Variants in SLC6A6 observed in about 807,000 individuals in gnomAD.
The protein encoded by SLC6A6 is solute carrier family 6 member 6.
In SLC6A6, 16 loss-of-function variants were observed where a neutral mutation model predicts 68.8. The observed-to-expected ratio is 0.23, with a 90% CI of 0.16 to 0.35. The LOEUF (loss-of-function observed/expected upper bound fraction) is 0.35. Ranked by LOEUF, SLC6A6 falls within the 10% of genes least tolerant of loss-of-function variation. The pLI is 1.00. For missense variants in SLC6A6, 474 were observed against 802.8 expected, an observed-to-expected ratio of 0.59 and a Z score of 4.95; for synonymous variants, 312 against 315.4, an observed-to-expected ratio of 0.99 and a Z score of 0.12.
intron 10 of SLC6A6, among the ~76,000 whole-genome samples, chr3:14,475,351 C>G (rs891911916): frequency 7.2e-5 from 11 of 152,102 alleles, no homozygotes; most frequent in African/African-American, 2.4e-4. Context: ...TTTTTTTTAA[C>G]AAATTGTGAG....
chr3:14,418,537 C>G (rs1699415385), intron 2 of SLC6A6, among the ~76,000 whole-genome samples: 1 of 152,184 alleles, frequency 6.6e-6, no homozygotes, highest in African/African-American at 2.4e-5. Context: ...CGACGTCAGC[C>G]TCCACAGGCG....
chr3:14,410,417 C>G (rs147403762), intron 1 of SLC6A6, among the ~76,000 whole-genome samples: 1 of 152,312 alleles, frequency 6.6e-6, no homozygotes, highest in Non-Finnish European at 1.5e-5. Context: ...ATTGCAAAGA[C>G]TCCTTACAGT....
intron 2 of SLC6A6, among the ~76,000 whole-genome samples, chr3:14,419,080 T>TA (rs1196918074): frequency 6.6e-6 from 1 of 152,236 alleles, no homozygotes; most frequent in African/African-American, 2.4e-5. Context: ...GATGGGCTGT[T>TA]ACAGGCAGTA....
chr3:14,418,737 C>T (rs1401531570), intron 2 of SLC6A6, among the ~76,000 whole-genome samples: 1 of 152,220 alleles, frequency 6.6e-6, no homozygotes, highest in African/African-American at 2.4e-5. Context: ...CTGCTAAACA[C>T]GTCACAGACT....
At chr3:14,439,810 A>G (rs1232515303) in intron 2 of SLC6A6, among the ~76,000 whole-genome samples, 1 of 152,118 alleles carries the variant, frequency 6.6e-6, no homozygotes. Flanking sequence ...GCAGAGGTGC[A>G]CAGAGATACT....
intron 2 of SLC6A6, among the ~76,000 whole-genome samples, chr3:14,429,671 C>T (rs982020530): frequency 2.0e-5 from 3 of 152,208 alleles, no homozygotes; most frequent in African/African-American, 7.2e-5. Flanking sequence ...AGGACAGATT[C>T]GTGGGCCCCC....
rs1465614695 is a variant in SLC6A6 at position 14,485,495 on chromosome 3, C to A, written c.*488C>A. 1 of 153,268 alleles carries A rather than the reference C, an allele frequency of 6.5e-6. No homozygotes were observed. The highest frequency in any genetic ancestry group is 1.5e-5 in the Non-Finnish European group (1 of 68,666). 9.5% of individuals were successfully genotyped at this position (153,268 alleles called of 1,614,324 possible). On this transcript the variant is annotated 3_prime_UTR_variant, in exon 15 of 15. Coordinates refer to ENST00000622186, the MANE Select transcript of SLC6A6 (RefSeq NM_003043.6). ...ATGGAATTTTCCTGGGACTCTACAC[C>A]CATCTTAAGGTGGTATACCTTCCAA...
chr3:14,448,324 A>G (rs1318795727), intron 5 of SLC6A6: 1 of 170,880 alleles, frequency 5.9e-6, no homozygotes, highest in Non-Finnish European at 1.3e-5. Flanking sequence ...TTAGCTCTTG[A>G]TTGTTCTGCT....
At chr3:14,444,089 C>A (rs1448393310) in intron 3 of SLC6A6, 3 of 511,362 alleles carry the variant, frequency 5.9e-6, no homozygotes, top group African/African-American at 3.8e-5. Flanking sequence ...TTCTGTGTTA[C>A]CTTGAGCAGG....
chr3:14,432,638 G>A (rs74936650), intron 2 of SLC6A6: 6,029 of 152,626 alleles, frequency 0.04, 159 homozygotes, highest in Non-Finnish European at 0.06. Flanking sequence ...ATAGCAACAG[G>A]AAAACAACCC....
At chr3:14,464,725 GCACCC>G (rs1418852637) in intron 6 of SLC6A6, among the ~76,000 whole-genome samples, 6 of 152,156 alleles carry the variant, frequency 3.9e-5, no homozygotes, top group Admixed American at 1.3e-4. Context: ...CCCTGGCACT[GCACCC>G]CCAACTCCAT....
chr3:14,456,992 G>T (rs1248813861), intron 5 of SLC6A6, among the ~76,000 whole-genome samples: 1 of 152,218 alleles, frequency 6.6e-6, no homozygotes, highest in African/African-American at 2.4e-5. Context: ...AGAGCTCTGG[G>T]ACCATGGGTG....
chr3:14,419,551 TC>T (rs1351475496), intron 2 of SLC6A6, among the ~76,000 whole-genome samples: 2 of 152,130 alleles, frequency 1.3e-5, no homozygotes, highest in East Asian at 1.9e-4. Flanking sequence ...AAATCTCTGT[TC>T]CAGCCCTGCC....
rs1700234398 is a variant in SLC6A6, at chr3:14,450,748, G to A, written c.599+2932G>A. On this transcript the variant is annotated intron_variant, in intron 5 of 14. Transcript: ENST00000622186. This position sits in a 1 kb window ranked among gnomAD's most constrained non-coding sequence, Gnocchi z 4.1. ...GCTCAGTTCCAGCCCTGAGCCAGGTGCCGTGGGCAAGAAAGACCCGGCCTC... is the reference window on the plus strand; with the variant it reads ...GCTCAGTTCCAGCCCTGAGCCAGGTACCGTGGGCAAGAAAGACCCGGCCTC... Among the ~76,000 whole-genome samples the A allele has an allele frequency of 6.6e-6, 1 of 152,216 alleles. No individual in the cohort carries two copies. Among genetic ancestry groups the A allele is most frequent in the Non-Finnish European group, 1.5e-5 (1 of 68,036 alleles).
At chr3:14,473,342 G>A (rs1700797677) in intron 10 of SLC6A6, among the ~76,000 whole-genome samples, 1 of 152,344 alleles carries the variant, frequency 6.6e-6, no homozygotes, top group Non-Finnish European at 1.5e-5. Context: ...ATGGGCCACT[G>A]AGAAGCAGGT....
At chr3:14,408,301 T>C (rs1044854011) in intron 1 of SLC6A6, among the ~76,000 whole-genome samples, 4 of 152,172 alleles carry the variant, frequency 2.6e-5, no homozygotes, top group African/African-American at 9.7e-5. Flanking sequence ...ATCTTCAGTC[T>C]GTCCACCTGC....
chr3:14,467,744 G>A (rs552943241), intron 7 of SLC6A6, 109 bp from the exon 8 acceptor site: 12 of 653,000 alleles, frequency 1.8e-5, no homozygotes, highest in Non-Finnish European at 3.3e-5. Context: ...CATGTGCAAG[G>A]TCCCGTCCCC....
intron 6 of SLC6A6, among the ~76,000 whole-genome samples, chr3:14,459,338 A>T (rs1700442801): frequency 6.6e-6 from 1 of 152,208 alleles, no homozygotes; most frequent in Admixed American, 6.5e-5. Flanking sequence ...CTGGATAAAG[A>T]GCCCCCAAAG....
chr3:14,442,872 G>A (rs1700023730), intron 2 of SLC6A6, among the ~76,000 whole-genome samples: 1 of 152,246 alleles, frequency 6.6e-6, no homozygotes, highest in African/African-American at 2.4e-5. Context: ...CCAGAGGATG[G>A]TTAGAGAAGG....
Sources: gnomAD v4.1 joint callset for allele counts (sites outside exome capture counted in the v4.1 genomes callset) on GRCh38, gnomAD v4.1.1 for gene constraint, Gnocchi (gnomAD v3.1) non-coding constraint, MANE v1.5 for transcripts, NCBI Gene and HGNC (gene_info 2026-07-23, HGNC 2026-07-21) for gene names.